The following FKTN variants were observed in gnomAD, a reference collection of about 807,000 sequenced individuals.
FKTN encodes fukutin, also known as ribitol-5-phosphate transferase FKTN.
A neutral mutation model predicts 58.6 loss-of-function variants in FKTN; 47 were observed. That is an observed-to-expected ratio of 0.80 (90% confidence interval 0.63 to 1.02). FKTN has a LOEUF of 1.02. Among genes scored for constraint, FKTN ranks in the 50% least tolerant of loss-of-function variants. The probability of loss-of-function intolerance (pLI) is 0.00; values close to 1 mark genes in which losing one functional copy is unlikely to be tolerated. For missense variants in FKTN, 516 were observed against 537.3 expected (o/e 0.96, Z 0.39); for synonymous variants, 178 against 191.9 (o/e 0.93, Z 0.60).
intron 10 of FKTN, among the ~76,000 whole-genome samples, chr9:105,627,048 C>T (rs778878312): frequency 6.7e-6 from 1 of 149,192 alleles, no homozygotes; most frequent in Non-Finnish European, 1.5e-5. Flanking sequence ...TCTTGGCTCA[C>T]TGCAACCTCC....
chr9:105,615,428 C>A, intron 8 of FKTN, 21 bp downstream of exon 8: 1 of 1,612,668 alleles, frequency 6.2e-7, no homozygotes, highest in African/African-American at 1.3e-5. Context: ...TACGACTTTC[C>A]ATTTGTCTTT....
chr9:105,559,544 T>C (rs1252784118), intron 1 of FKTN, among the ~76,000 whole-genome samples: 1 of 151,558 alleles, frequency 6.6e-6, no homozygotes. Context: ...ATTAGCCGGG[T>C]GTGGTGGCGG....
intron 1 of FKTN, among the ~76,000 whole-genome samples, chr9:105,560,773 C>G (rs1838153754): frequency 6.6e-6 from 1 of 152,116 alleles, no homozygotes; most frequent in Non-Finnish European, 1.5e-5. Context: ...TAAGTACTTG[C>G]ATTCTTGAGG....
intron 3 of FKTN, among the ~76,000 whole-genome samples, chr9:105,593,338 C>T (rs868047256): frequency 2.0e-5 from 3 of 152,238 alleles, no homozygotes; most frequent in Admixed American, 6.5e-5. Flanking sequence ...AAATCCGTCA[C>T]GAGAAACTGT....
At chr9:105,612,015 GTTTAT>G (rs563944050) in intron 7 of FKTN, among the ~76,000 whole-genome samples, 74 of 151,466 alleles carry the variant, frequency 4.9e-4, no homozygotes, top group East Asian at 1.4e-3. Context: ...AATATCTGGG[GTTTAT>G]TTTATTTTAT....
rs190273553 is a variant in FKTN at position 105,591,710 on chromosome 9, T to C, written c.106-4888T>C. 2.1e-3 allele frequency among the ~76,000 whole-genome samples: 319 copies of C among 152,114 alleles called. 1 individual carries two copies. The highest frequency in any genetic ancestry group is 3.4e-3 in the Middle Eastern group (1 of 294). On this transcript the variant is annotated intron_variant, in intron 3 of 10. Transcript: ENST00000357998. ...TGTGGCCCTCTTCTCACAGCTCCAG[T>C]AGGCAGTGCCCCAGTGGGGGCTCTC...
intron 6 of FKTN, among the ~76,000 whole-genome samples, chr9:105,604,905 G>A (rs1249939420): frequency 7.3e-5 from 11 of 150,566 alleles, no homozygotes; most frequent in South Asian, 2.1e-4. Context: ...GTAGTGAGCC[G>A]AGATTGTGAT....
intron 1 of FKTN, among the ~76,000 whole-genome samples, chr9:105,559,598 C>T (rs569882785): frequency 8.6e-5 from 13 of 151,742 alleles, no homozygotes; most frequent in Non-Finnish European, 1.2e-4. Flanking sequence ...GCAGGAGAAT[C>T]GCTTGAACTT....
At chr9:105,566,884 C>T (rs1839738494) in intron 1 of FKTN, among the ~76,000 whole-genome samples, 2 of 152,070 alleles carry the variant, frequency 1.3e-5, no homozygotes, top group African/African-American at 4.8e-5. Flanking sequence ...AACATCGATG[C>T]AAAAATCCTC....
At chr9:105,585,998 A>G (rs1843825419) in intron 3 of FKTN, among the ~76,000 whole-genome samples, 1 of 152,206 alleles carries the variant, frequency 6.6e-6, no homozygotes, top group East Asian at 1.9e-4. Context: ...GTAGCAGTAA[A>G]TGCCTGCAGC....
chr9:105,586,100 G>A (rs1843849819), intron 3 of FKTN, among the ~76,000 whole-genome samples: 1 of 152,096 alleles, frequency 6.6e-6, no homozygotes. Context: ...ACTTACTTTT[G>A]ACCATTTTGA....
chr9:105,632,311 T>TA (rs1259036209), intron 10 of FKTN, among the ~76,000 whole-genome samples: 2 of 151,898 alleles, frequency 1.3e-5, no homozygotes, highest in African/African-American at 4.8e-5. Flanking sequence ...GAGATATACC[T>TA]AATGCTAGAT....
intron 4 of FKTN, among the ~76,000 whole-genome samples, chr9:105,597,553 C>T (rs1827031798): frequency 6.6e-6 from 1 of 152,078 alleles, no homozygotes; most frequent in African/African-American, 2.4e-5. Flanking sequence ...GGAAGTTATA[C>T]TACCCAGTCA....
chr9:105,627,829 A>AG (rs1832919231), intron 10 of FKTN, among the ~76,000 whole-genome samples: 1 of 152,192 alleles, frequency 6.6e-6, no homozygotes, highest in South Asian at 2.1e-4. Context: ...AGATAAAATC[A>AG]GGCCTGGTAC....
intron 3 of FKTN, among the ~76,000 whole-genome samples, chr9:105,595,813 G>A (rs992508068): frequency 6.6e-5 from 10 of 152,140 alleles, no homozygotes; most frequent in Non-Finnish European, 1.5e-4. Flanking sequence ...TACTCTAATC[G>A]TTCTTCAGCA....
intron 10 of FKTN, among the ~76,000 whole-genome samples, chr9:105,627,428 T>G (rs530747408): frequency 6.6e-6 from 1 of 152,222 alleles, no homozygotes; most frequent in East Asian, 1.9e-4. Context: ...TTCTAGAAAC[T>G]TTATTGTTCT....
chr9:105,571,096 T>C (rs1840658088), intron 1 of FKTN, among the ~76,000 whole-genome samples: 1 of 152,142 alleles, frequency 6.6e-6, no homozygotes, highest in South Asian at 2.1e-4. Context: ...AAAGTTTTGA[T>C]TGTGGTGTAA....
At chr9:105,593,653 A>G (rs1005027649) in intron 3 of FKTN, among the ~76,000 whole-genome samples, 2 of 152,348 alleles carry the variant, frequency 1.3e-5, no homozygotes, top group South Asian at 2.1e-4. Context: ...GGACCCTCCA[A>G]CACATCAGGG....
intron 9 of FKTN, 58 bp from the exon 10 acceptor site, chr9:105,619,876 G>T: frequency 6.8e-7 from 1 of 1,474,620 alleles, no homozygotes; most frequent in South Asian, 1.2e-5. Flanking sequence ...TTAAAAAAAG[G>T]TTTTTAAAAA....
Sources: gnomAD v4.1 joint callset for allele counts (sites outside exome capture counted in the v4.1 genomes callset) on GRCh38, gnomAD v4.1.1 for gene constraint, MANE v1.5 for transcripts, NCBI Gene and HGNC (gene_info 2026-07-23, HGNC 2026-07-21) for gene names.